Variants in CEP290 observed in about 807,000 individuals in gnomAD.
CEP290 encodes the protein centrosomal protein of 290 kDa.
A neutral mutation model predicts 344.9 loss-of-function variants in CEP290; 317 were observed. The observed-to-expected ratio is 0.92, with a 90% CI of 0.84 to 1.01. The LOEUF (loss-of-function observed/expected upper bound fraction) is 1.01, where lower values mean the gene tolerates loss of function less well. Among genes scored for constraint, CEP290 ranks in the 50% least tolerant of loss-of-function variants. The pLI, the probability that CEP290 is intolerant of heterozygous loss-of-function variation, is 0.00. For synonymous variants in CEP290, 932 were observed against 895.8 expected (o/e 1.04, Z -0.72); for missense variants, 2,754 against 2,761.4 (o/e 1.00, Z 0.06).
In CEP290 at chr12:88,084,626, ACTT is replaced by A. The variant is rs757309583; in HGVS notation, c.4661_4663del (p.Glu1554del). Reference sequence around the variant, plus strand: ...TAGAAGACGTTGATACTTCTTTAATACTTCTTCTTTTTGATTTAACCTTGCTTG... The same window carrying A: ...TAGAAGACGTTGATACTTCTTTAATACTTCTTTTTGATTTAACCTTGCTTG... On this transcript the variant is annotated inframe_deletion, in exon 35 of 54. Transcript: ENST00000552810. 36 of 1,612,700 alleles carry A rather than the reference ACTT, an allele frequency of 2.2e-5. No individual in the cohort carries two copies. Among genetic ancestry groups the A allele is most frequent in the African/African-American group, 8.0e-5 (6 of 74,906 alleles).
intron 12 of CEP290, among the ~76,000 whole-genome samples, chr12:88,126,110 T>C (rs1328279326): frequency 6.6e-6 from 1 of 152,100 alleles, no homozygotes; most frequent in Non-Finnish European, 1.5e-5. Context: ...ACAGTAACTC[T>C]AGTTCTAAGT....
chr12:88,080,156 G>T (rs528005024), intron 38 of CEP290, 26 bp downstream of exon 38: 183 of 1,477,576 alleles, frequency 1.2e-4, no homozygotes, highest in Non-Finnish European at 1.8e-5. Context: ...TTTCCTAAAT[G>T]TTGATAATTT....
At chr12:88,100,013 C>T (rs745477286) in intron 26 of CEP290, among the ~76,000 whole-genome samples, 1 of 151,566 alleles carries the variant, frequency 6.6e-6, no homozygotes, top group African/African-American at 2.4e-5. Flanking sequence ...GGCACAGTGG[C>T]TCATGCCTGT....
At chr12:88,075,600 A>G (rs1430223017) in intron 41 of CEP290, among the ~76,000 whole-genome samples, 5 of 152,168 alleles carry the variant, frequency 3.3e-5, no homozygotes, top group Non-Finnish European at 5.9e-5. Flanking sequence ...TTAAGATAGT[A>G]ATAAATGCTA....
At chr12:88,112,266 C>G (rs1299380929) in intron 20 of CEP290, among the ~76,000 whole-genome samples, 1 of 152,048 alleles carries the variant, frequency 6.6e-6, no homozygotes, top group Non-Finnish European at 1.5e-5. Context: ...GGTTTTTGTA[C>G]AGTCAAAATG....
At chr12:88,073,095 T>TA (rs1384842218) in intron 41 of CEP290, among the ~76,000 whole-genome samples, 6 of 152,178 alleles carry the variant, frequency 3.9e-5, no homozygotes, top group African/African-American at 1.4e-4. Context: ...ATTAATACAG[T>TA]AAAAAATTCT....
At chr12:88,126,467 T>G in intron 11 of CEP290, 29 bp from the exon 12 acceptor site, 1 of 1,417,624 alleles carries the variant, frequency 7.1e-7, no homozygotes, top group African/African-American at 1.5e-5. Context: ...GAATCTGTTA[T>G]GCAAAAGGAA....
intron 18 of CEP290, among the ~76,000 whole-genome samples, chr12:88,116,502 T>C (rs1341758796): frequency 6.6e-6 from 1 of 152,184 alleles, no homozygotes; most frequent in South Asian, 2.1e-4. Context: ...TGATCTCCTA[T>C]GCAGCAGCTC....
chr12:88,135,241 G>C (rs1249261424), intron 6 of CEP290, among the ~76,000 whole-genome samples: 2 of 152,062 alleles, frequency 1.3e-5, no homozygotes, highest in African/African-American at 2.4e-5. Context: ...TCAAGGAATT[G>C]AGCAGCCAAA....
intron 26 of CEP290, among the ~76,000 whole-genome samples, chr12:88,102,244 GT>G (rs150128516): frequency 6.6e-6 from 1 of 151,974 alleles, no homozygotes; most frequent in Admixed American, 6.6e-5. Context: ...TTCTACTCTA[GT>G]TTTTTTATTT....
In CEP290 at chr12:88,098,662, A is replaced by T. The variant is rs549739846; in HGVS notation, c.2992-1663T>A. Reference sequence around the variant, plus strand: ...GAAAATAAAAACAGAGTACTGAGCCAGTGAATAATAGAAAGGAACATTTAG... The same window carrying T: ...GAAAATAAAAACAGAGTACTGAGCCTGTGAATAATAGAAAGGAACATTTAG... On this transcript the variant is annotated intron_variant, in intron 26 of 53. Transcript: ENST00000552810. Among the ~76,000 whole-genome samples the T allele has an allele frequency of 2.4e-3, 358 of 152,274 alleles. 1 individual carries two copies. Among genetic ancestry groups the T allele is most frequent in the African/African-American group, 8.4e-3 (349 of 41,568 alleles).
chr12:88,089,883 C>T lies in CEP290; in HGVS notation c.3574-396G>A, dbSNP rs140884996. On this transcript the variant is annotated intron_variant, in intron 30 of 53. Coordinates refer to ENST00000552810, the MANE Select transcript of CEP290 (RefSeq NM_025114.4). ...CTGGGATTACAGGCACATGCCACCA[C>T]GCCTGGCTAACTTTTGTATTTTTAG... 3.3e-3 allele frequency among the ~76,000 whole-genome samples: 501 copies of T among 152,136 alleles called. 5 individuals are homozygous for T. Among genetic ancestry groups the T allele is most frequent in the African/African-American group, 0.012 (480 of 41,528 alleles).
chr12:88,111,837 C>G lies in CEP290; in HGVS notation c.2074G>C (p.Glu692Gln). 1 of 1,597,100 alleles carries G rather than the reference C, an allele frequency of 6.3e-7. No individual in the cohort carries two copies. Among genetic ancestry groups the G allele is most frequent in the Non-Finnish European group, 8.5e-7 (1 of 1,172,288 alleles). The stretch of plus-strand genomic sequence containing the variant: ...TGCAGACTCGCATCAAAGATTCCTT[C>G]TGCATTCTTTGATTCTATAGCCTAG... Reference protein sequence around the residue: ...LVNAIESKNAEGIFDASLHLK... With the variant: ...LVNAIESKNAQGIFDASLHLK... The change falls in exon 21 of 54, where the codon GAA becomes CAA. Residue 692 changes from glutamate (E) to glutamine (Q), a missense_variant. Coordinates refer to ENST00000552810, the MANE Select transcript of CEP290 (RefSeq NM_025114.4).
In CEP290 at chr12:88,049,174, T is replaced by C. The variant is rs777901125; in HGVS notation, c.*10A>G. On this transcript the variant is annotated 3_prime_UTR_variant, in exon 54 of 54. Coordinates refer to ENST00000552810, the MANE Select transcript of CEP290 (RefSeq NM_025114.4). ...AAATAGTTAAATGAAACAAAGTTTA[T>C]AGGTGACCTTTAGTAAATGGGGAAA... 9.3e-6 allele frequency: 14 copies of C among 1,510,268 alleles called. No homozygotes were observed. The highest frequency in any genetic ancestry group is 1.1e-5 in the Non-Finnish European group (12 of 1,104,904). The allele number at this position is 1,510,268 out of a possible 1,614,324, so 93.6% of individuals were successfully genotyped here. A position where few individuals can be genotyped will look rare whatever the true frequency, so the allele number is the denominator to read the frequency against.
chr12:88,130,658 T>A, intron 7 of CEP290, 93 bp from the exon 8 acceptor site: 2 of 1,219,242 alleles, frequency 1.6e-6, no homozygotes, highest in Non-Finnish European at 2.2e-6. Context: ...ACAAAAAAAT[T>A]TTGGGAAAAT....
Position 88,102,507 on chromosome 12 carries a change from C to A in CEP290, c.2991+331G>T, listed in dbSNP as rs560780388. ...CCCTCCTTTGATTACAATATTCTAC[C>A]TGTTTCATGCTCCTTTTTCTCTTAG... On this transcript the variant is annotated intron_variant, in intron 26 of 53. Coordinates refer to ENST00000552810, the MANE Select transcript of CEP290 (RefSeq NM_025114.4). Among the ~76,000 whole-genome samples, 3 of 152,148 alleles carry A rather than the reference C, an allele frequency of 2.0e-5. No individual in the cohort carries two copies. The South Asian group carries it at 6.2e-4, about 32-fold the overall frequency.
intron 13 of CEP290, among the ~76,000 whole-genome samples, chr12:88,122,222 C>G (rs2039447899): frequency 6.6e-6 from 1 of 152,048 alleles, no homozygotes. Context: ...ATCCACATAT[C>G]TATTCTCCTA....
At chr12:88,138,205 C>T (rs1442595959) in intron 5 of CEP290, among the ~76,000 whole-genome samples, 3 of 152,108 alleles carry the variant, frequency 2.0e-5, no homozygotes, top group African/African-American at 7.2e-5. Flanking sequence ...TTCTGCCCAC[C>T]CAACCCCAAT....
intron 1 of CEP290, among the ~76,000 whole-genome samples, chr12:88,141,559 G>A (rs923555980): frequency 6.6e-6 from 1 of 152,076 alleles, no homozygotes; most frequent in Non-Finnish European, 1.5e-5. Flanking sequence ...CGGCTTCCTT[G>A]CTAACACTAA....
Sources: allele counts gnomAD v4.1 joint callset (sites outside exome capture counted in the v4.1 genomes callset), GRCh38; gene constraint gnomAD v4.1.1; transcripts MANE v1.5; gene names NCBI Gene and HGNC (gene_info 2026-07-23, HGNC 2026-07-21).